PPFIA2: variants seen among roughly 807,000 people sequenced by gnomAD.
PPFIA2 encodes the protein PPFI scaffold protein A2.
Under a neutral mutation model 175.5 loss-of-function variants are expected in PPFIA2, and 46 were observed. That is an observed-to-expected ratio of 0.26 (90% CI 0.21 to 0.34). The LOEUF (loss-of-function observed/expected upper bound fraction) is 0.34. Ranked by LOEUF, PPFIA2 falls within the 10% of genes least tolerant of loss-of-function variation. The pLI, the probability that PPFIA2 is intolerant of heterozygous loss-of-function variation, is 1.00. For synonymous variants in PPFIA2, 568 were observed against 511.4 expected (o/e 1.11, Z -1.49); for missense variants, 1,179 against 1,506.1 (o/e 0.78, Z 3.60).
chr12:81,716,972 C>T (rs139245943), intron 3 of PPFIA2, among the ~76,000 whole-genome samples: 1 of 151,548 alleles, frequency 6.6e-6, no homozygotes, highest in African/African-American at 2.4e-5. Context: ...CAAGGTATGG[C>T]ATCATAGGCC....
chr12:81,591,034 G>C (rs2058614726), intron 4 of PPFIA2, among the ~76,000 whole-genome samples: 1 of 152,168 alleles, frequency 6.6e-6, no homozygotes, highest in South Asian at 2.1e-4. Context: ...ACTTCCTAGA[G>C]ACTTATTGAA....
intron 4 of PPFIA2, among the ~76,000 whole-genome samples, chr12:81,613,323 G>T (rs1434853344): frequency 2.0e-5 from 3 of 151,934 alleles, no homozygotes; most frequent in African/African-American, 7.3e-5. Context: ...AGCAATTTGG[G>T]GCCCACTCTA....
At chr12:81,341,944 T>A (rs1997440) in intron 19 of PPFIA2, among the ~76,000 whole-genome samples, 1 of 151,894 alleles carries the variant, frequency 6.6e-6, no homozygotes, top group Non-Finnish European at 1.5e-5. Context: ...CTAATGAAAT[T>A]TATTACAGGG....
chr12:81,309,982 T>C (rs1165050391), intron 22 of PPFIA2, among the ~76,000 whole-genome samples: 2 of 152,098 alleles, frequency 1.3e-5, no homozygotes, highest in Admixed American at 6.5e-5. Context: ...CAAGACACCA[T>C]AGTCTGTACT....
At chr12:81,662,784 C>G (rs910219936) in intron 4 of PPFIA2, among the ~76,000 whole-genome samples, 6 of 152,094 alleles carry the variant, frequency 3.9e-5, no homozygotes, top group Non-Finnish European at 8.8e-5. Flanking sequence ...CCTGATGAAT[C>G]TCAATGCAAA....
At chr12:81,753,866 T>C (rs1319359987) in intron 3 of PPFIA2, 107 bp downstream of exon 3, 2 of 1,361,404 alleles carry the variant, frequency 1.5e-6, no homozygotes, top group Non-Finnish European at 2.0e-6. Flanking sequence ...CCAAAACGTG[T>C]GTATCACATA....
At chr12:81,708,144 C>A (rs953294789) in intron 3 of PPFIA2, among the ~76,000 whole-genome samples, 1 of 149,682 alleles carries the variant, frequency 6.7e-6, no homozygotes, top group East Asian at 2.0e-4. Context: ...GCATATTGTG[C>A]ACATGTACCC....
At chr12:81,595,236 T>TTATATA (rs111526144) in intron 4 of PPFIA2, among the ~76,000 whole-genome samples, 7,642 of 146,952 alleles carry the variant, frequency 0.052, 340 homozygotes, top group African/African-American at 0.12. Flanking sequence ...TTCACTGTGT[T>TTATATA]TATATATATA....
At chr12:81,628,125 T>C (rs1376328875) in intron 4 of PPFIA2, among the ~76,000 whole-genome samples, 4 of 152,318 alleles carry the variant, frequency 2.6e-5, no homozygotes, top group Admixed American at 1.3e-4. Context: ...TTATACTTCA[T>C]ATAATTTCAG....
At chr12:81,317,417 C>A (rs1487498480) in intron 22 of PPFIA2, among the ~76,000 whole-genome samples, 1 of 151,432 alleles carries the variant, frequency 6.6e-6, no homozygotes, top group Non-Finnish European at 1.5e-5. Context: ...TTAAGCGTGA[C>A]TAACGGATTA....
At chr12:81,377,132 G>A (rs895760454) in intron 9 of PPFIA2, among the ~76,000 whole-genome samples, 3 of 151,970 alleles carry the variant, frequency 2.0e-5, no homozygotes, top group African/African-American at 4.8e-5. Context: ...AGAATTTCAG[G>A]GAAATGGGAT....
At chr12:81,743,618 C>T (rs1338493889) in intron 3 of PPFIA2, among the ~76,000 whole-genome samples, 12 of 151,114 alleles carry the variant, frequency 7.9e-5, no homozygotes, top group Non-Finnish European at 1.2e-4. Flanking sequence ...ATAATGCAAA[C>T]GTTTTGTCCA....
At chr12:81,622,121 C>T (rs751657904) in intron 4 of PPFIA2, among the ~76,000 whole-genome samples, 2 of 152,198 alleles carry the variant, frequency 1.3e-5, no homozygotes, top group Admixed American at 1.3e-4. Context: ...GACTGAAGCA[C>T]ATTCCTCCAC....
At chr12:81,612,401 G>A (rs1386326751) in intron 4 of PPFIA2, among the ~76,000 whole-genome samples, 2 of 152,068 alleles carry the variant, frequency 1.3e-5, no homozygotes, top group Non-Finnish European at 2.9e-5. Context: ...GGTGAACTGG[G>A]AGACAAACTC....
intron 7 of PPFIA2, among the ~76,000 whole-genome samples, chr12:81,437,932 CTT>C (rs757626140): frequency 2.9e-5 from 4 of 139,830 alleles, no homozygotes; most frequent in Admixed American, 7.2e-5. Context: ...TCTCTTATTT[CTT>C]TTTTTTTTTT....
chr12:81,560,956 T>C (rs2153391594), intron 4 of PPFIA2, among the ~76,000 whole-genome samples: 2 of 152,290 alleles, frequency 1.3e-5, no homozygotes, highest in East Asian at 1.9e-4. Context: ...TGCAAAAGAC[T>C]TTCTGCCCAC....
intron 16 of PPFIA2, 90 bp from the exon 17 acceptor site, chr12:81,353,429 C>G: frequency 1.1e-6 from 1 of 877,752 alleles, no homozygotes; most frequent in African/African-American, 1.7e-5. Flanking sequence ...AACAGGCATG[C>G]TTTTACAACT....
chr12:81,727,245 T>C (rs879741864), intron 3 of PPFIA2, among the ~76,000 whole-genome samples: 2 of 151,322 alleles, frequency 1.3e-5, no homozygotes, highest in African/African-American at 2.4e-5. Flanking sequence ...AACTAAAGGT[T>C]CATGAGCACC....
intron 4 of PPFIA2, among the ~76,000 whole-genome samples, chr12:81,536,513 A>G (rs2065397113): frequency 6.6e-6 from 1 of 151,306 alleles, no homozygotes; most frequent in South Asian, 2.1e-4. Flanking sequence ...AATTAAAAAA[A>G]GAAAACTTTT....
Sources: gnomAD v4.1 joint callset for allele counts (sites outside exome capture counted in the v4.1 genomes callset) on GRCh38, gnomAD v4.1.1 for gene constraint, MANE v1.5 for transcripts, NCBI Gene and HGNC (gene_info 2026-07-23, HGNC 2026-07-21) for gene names.